The following DNAH9 variants were observed in gnomAD, a reference collection of about 807,000 sequenced individuals.
The protein encoded by DNAH9 is DNAH9 variant protein.
DNAH9 carries 345 observed loss-of-function variants against 471.6 expected under a neutral mutation model. The observed-to-expected ratio is 0.73, with a 90% CI of 0.67 to 0.80. The LOEUF is 0.80. Among genes scored for constraint, DNAH9 ranks in the 30% least tolerant of loss-of-function variants. The pLI is 0.00. For missense variants in DNAH9, 5,407 were observed against 5,609.2 expected (o/e 0.96, Z 1.15); for synonymous variants, 2,093 against 2,123.6 (o/e 0.99, Z 0.40).
At chr17:11,933,775 G>T in intron 64 of DNAH9, 105 bp from the exon 65 acceptor site, 1 of 993,768 alleles carries the variant, frequency 1.0e-6, no homozygotes. Context: ...ATCTCAAGAA[G>T]CGTCCCTCTC....
intron 19 of DNAH9, among the ~76,000 whole-genome samples, chr17:11,686,940 C>T (rs921384511): frequency 6.6e-6 from 1 of 152,154 alleles, no homozygotes; most frequent in African/African-American, 2.4e-5. Flanking sequence ...TAAGTTCACT[C>T]TAGTCAAGAT....
chr17:11,833,955 ATTATG>A (rs1044063640), intron 48 of DNAH9, among the ~76,000 whole-genome samples: 8 of 152,216 alleles, frequency 5.3e-5, no homozygotes, highest in Non-Finnish European at 7.3e-5. Flanking sequence ...TATGAAAAGT[ATTATG>A]TTAAGTACAT....
At chr17:11,599,662 A>T (rs901623260) in intron 1 of DNAH9, among the ~76,000 whole-genome samples, 2 of 152,064 alleles carry the variant, frequency 1.3e-5, no homozygotes, top group South Asian at 4.1e-4. Flanking sequence ...GATTTCAGGG[A>T]AGTGCTCCAG....
intron 14 of DNAH9, among the ~76,000 whole-genome samples, chr17:11,662,601 A>G (rs2073788889): frequency 6.6e-6 from 1 of 151,858 alleles, no homozygotes; most frequent in Admixed American, 6.6e-5. Flanking sequence ...TTGTATGTCT[A>G]GTAATTTTTT....
chr17:11,888,777 G>C (rs1391050143), intron 57 of DNAH9, among the ~76,000 whole-genome samples: 2 of 152,154 alleles, frequency 1.3e-5, no homozygotes, highest in Non-Finnish European at 2.9e-5. Context: ...GAAGAAAAAT[G>C]GGCCACTGTA....
Position 11,731,452 on chromosome 17 carries a change from A to G in DNAH9, c.5814+3530A>G, listed in dbSNP as rs1322748578. 4.0e-5 allele frequency among the ~76,000 whole-genome samples: 6 copies of G among 151,122 alleles called. No homozygotes were observed. The East Asian group carries it at 1.2e-3, about 30-fold the overall frequency. On this transcript the variant is annotated intron_variant, in intron 28 of 68. Coordinates refer to ENST00000262442, the MANE Select transcript of DNAH9 (RefSeq NM_001372.4). ...TAGGGTACATGTGCACAACGTGTGC[A>G]GGTTTGTTACATATGTATACATGTG...
rs201271502 is a variant in DNAH9 at position 11,611,673 on chromosome 17, A to G, written c.797A>G (p.Tyr266Cys). ...AGGTATGAAGATCTGAAATACATCT[A>G]TAATCAACTGAGAACAATAACGGTG... Reference protein sequence around the residue: ...KSRYEDLKYIYNQLRTITVRG... With the variant: ...KSRYEDLKYICNQLRTITVRG... The change falls in exon 4 of 69, where the codon TAT (tyrosine) becomes TGT (cysteine). Residue 266 changes from tyrosine (Y) to cysteine (C), a missense_variant. By Grantham distance (194) the Tyr-to-Cys change is radical (BLOSUM62 -2). Coordinates refer to ENST00000262442, the MANE Select transcript of DNAH9 (RefSeq NM_001372.4). 8.7e-6 allele frequency: 14 copies of G among 1,614,098 alleles called. No individual in the cohort carries two copies. The highest frequency in any genetic ancestry group is 1.3e-5 in the African/African-American group (1 of 75,060).
chr17:11,712,080 A>T (rs1597522678), intron 26 of DNAH9, among the ~76,000 whole-genome samples: 2 of 15,034 alleles, frequency 1.3e-4, no homozygotes, highest in East Asian at 2.1e-3. Flanking sequence ...ATATATAAAT[A>T]TATTTGTATA....
chr17:11,937,056 A>T lies in DNAH9; in HGVS notation c.12490-296A>T, dbSNP rs1343875500. Among the ~76,000 whole-genome samples the T allele has an allele frequency of 1.3e-5, 2 of 152,226 alleles. No individual in the cohort carries two copies. Among genetic ancestry groups the T allele is most frequent in the Admixed American group, 6.5e-5 (1 of 15,284 alleles). On this transcript the variant is annotated intron_variant, in intron 65 of 68. Coordinates refer to ENST00000262442, the MANE Select transcript of DNAH9 (RefSeq NM_001372.4). This position sits in a 1 kb window ranked among gnomAD's most constrained non-coding sequence, Gnocchi z 4.1. ...CTGGTCTGCAGGAAAAAGAGTCATC[A>T]GGGAGGAGTGGGAGGCATTGGGTGT...
At chr17:11,829,550 C>A (rs1970617583) in intron 48 of DNAH9, among the ~76,000 whole-genome samples, 1 of 152,206 alleles carries the variant, frequency 6.6e-6, no homozygotes, top group African/African-American at 2.4e-5. Flanking sequence ...TGGCTCACTG[C>A]AACCTCTGCC....
chr17:11,640,415 G>A, intron 10 of DNAH9, 31 bp downstream of exon 10: 1 of 1,404,364 alleles, frequency 7.1e-7, no homozygotes, highest in South Asian at 1.2e-5. Context: ...AGACAGGCTT[G>A]TCTTGGGCTG....
At chr17:11,825,360 C>G (rs138528521) in intron 48 of DNAH9, among the ~76,000 whole-genome samples, 1 of 152,182 alleles carries the variant, frequency 6.6e-6, no homozygotes. Flanking sequence ...ACATTTTCCA[C>G]CAGCCCTGTT....
chr17:11,685,441 T>G (rs1192473911), intron 19 of DNAH9, among the ~76,000 whole-genome samples: 1 of 152,062 alleles, frequency 6.6e-6, no homozygotes, highest in Non-Finnish European at 1.5e-5. Context: ...AGTCTAAGTA[T>G]GACAAAAACA....
chr17:11,877,025 G>T (rs1972514339), intron 53 of DNAH9, among the ~76,000 whole-genome samples: 1 of 151,762 alleles, frequency 6.6e-6, no homozygotes, highest in African/African-American at 2.4e-5. Flanking sequence ...GCCAGTTTTG[G>T]TTTTTCAAGA....
At position 11,632,581 on chromosome 17, in the gene DNAH9, C is replaced by T; in HGVS notation, c.1519-6C>T. ...TTTTCCTTATATATATATGGTGTCT[C>T]TTCAGGACTTTGAAAATGACGTCTC... On this transcript the variant is annotated splice_region_variant and splice_polypyrimidine_tract_variant and intron_variant, in intron 7 of 68. Coordinates refer to ENST00000262442, the MANE Select transcript of DNAH9 (RefSeq NM_001372.4). 1.4e-6 allele frequency: 2 copies of T among 1,443,064 alleles called. No individual in the cohort carries two copies. The highest frequency in any genetic ancestry group is 2.0e-6 in the Non-Finnish European group (2 of 1,024,000). The allele number at this position is 1,443,064 out of a possible 1,614,324, so 89.4% of individuals were successfully genotyped here. A position where few individuals can be genotyped will look rare whatever the true frequency, so the allele number is the denominator to read the frequency against.
chr17:11,787,325 T>C (rs1280977122), intron 41 of DNAH9, among the ~76,000 whole-genome samples: 1 of 152,218 alleles, frequency 6.6e-6, no homozygotes, highest in African/African-American at 2.4e-5. Context: ...AACTCAGTGA[T>C]TGGCACAAGA....
chr17:11,781,832 A>T (rs1180698184), intron 39 of DNAH9, among the ~76,000 whole-genome samples: 1 of 80,304 alleles, frequency 1.2e-5, no homozygotes, highest in Non-Finnish European at 2.3e-5. Context: ...ACTCCATCTT[A>T]AAAAAAAAAA....
At chr17:11,605,627 G>A (rs541863932) in intron 1 of DNAH9, among the ~76,000 whole-genome samples, 34 of 151,468 alleles carry the variant, frequency 2.2e-4, no homozygotes, top group Non-Finnish European at 4.1e-4. Flanking sequence ...AGCCTCCTTA[G>A]TAACTGGGAC....
chr17:11,704,078 G>A (rs2074652510), intron 24 of DNAH9, 125 bp from the exon 25 acceptor site: 2 of 1,066,004 alleles, frequency 1.9e-6, no homozygotes, highest in Non-Finnish European at 2.8e-6. Context: ...CAGTGCTGGT[G>A]GAAGAGGGAG....
Sources: gnomAD v4.1 joint callset for allele counts (sites outside exome capture counted in the v4.1 genomes callset) on GRCh38, gnomAD v4.1.1 for gene constraint, Gnocchi (gnomAD v3.1) non-coding constraint, MANE v1.5 for transcripts, NCBI Gene and HGNC (gene_info 2026-07-23, HGNC 2026-07-21) for gene names.